The following LGMN variants were observed in gnomAD, a reference collection of about 807,000 sequenced individuals.
LGMN encodes legumain, also known as asparaginyl endopeptidase.
Under a neutral mutation model 56.8 loss-of-function variants are expected in LGMN, and 36 were observed. That is an observed-to-expected ratio of 0.63 (90% confidence interval 0.49 to 0.84). The LOEUF is 0.84. Among genes scored for constraint, LGMN ranks in the 40% least tolerant of loss-of-function variants. The pLI, the probability that LGMN is intolerant of heterozygous loss-of-function variation, is 0.00. For missense variants in LGMN, 446 were observed against 556.1 expected, an observed-to-expected ratio of 0.80 and a Z score of 1.99; for synonymous variants, 199 against 210.1, an observed-to-expected ratio of 0.95 and a Z score of 0.46.
chr14:92,704,268 A>C lies in LGMN; in HGVS notation c.*51T>G, dbSNP rs778586625. The C allele has an allele frequency of 6.2e-7, 1 of 1,613,708 alleles. No homozygotes were observed. The highest frequency in any genetic ancestry group is 8.5e-7 in the Non-Finnish European group (1 of 1,179,682). On this transcript the variant is annotated 3_prime_UTR_variant, in exon 14 of 14. Coordinates refer to ENST00000334869, the MANE Select transcript of LGMN (RefSeq NM_005606.7). ...TCCACCTCTCCAGTCTCTGATCAGC[A>C]CACAGTCGGTGGGGCGCTCACACTT...
At chr14:92,719,168 C>CCAT (rs1890239966) in intron 2 of LGMN, among the ~76,000 whole-genome samples, 1 of 102,482 alleles carries the variant, frequency 9.8e-6, no homozygotes, top group South Asian at 3.4e-4. Context: ...GCCACCACCA[C>CCAT]CACCACCACC....
At position 92,711,716 on chromosome 14, in the gene LGMN, C is replaced by G. The variant is rs1889786436; in HGVS notation, c.762G>C (p.Gln254His). The G allele has an allele frequency of 1.2e-6, 2 of 1,614,106 alleles. No homozygotes were observed. The highest frequency in any genetic ancestry group is 3.3e-5 in the Admixed American group (2 of 60,012). The change falls in exon 10 of 14, where the codon CAG becomes CAC. Residue 254 changes from glutamine (Q) to histidine (H), a missense_variant. Coordinates refer to ENST00000334869, the MANE Select transcript of LGMN (RefSeq NM_005606.7). ...TGGTGTGCGATTTTACCAGGTGGTA[C>G]TGCTTGTGCAGGGTCTCTTTAGTCA... Reference protein sequence around the residue: ...EDLTKETLHKQYHLVKSHTNT... With the variant: ...EDLTKETLHKHYHLVKSHTNT...
At chr14:92,737,653 T>C (rs530173846) in intron 1 of LGMN, among the ~76,000 whole-genome samples, 2 of 152,358 alleles carry the variant, frequency 1.3e-5, no homozygotes, top group East Asian at 3.9e-4. Flanking sequence ...GTGGGATGCC[T>C]GTGTTTCTTC....
chr14:92,724,140 A>G (rs1052499026), intron 2 of LGMN, among the ~76,000 whole-genome samples: 1 of 152,228 alleles, frequency 6.6e-6, no homozygotes, highest in African/African-American at 2.4e-5. Context: ...ATTAAACTCA[A>G]TGTGTGAATT....
At position 92,716,858 on chromosome 14, in the gene LGMN, C is replaced by T. The variant is rs574029053; in HGVS notation, c.318+522G>A. On this transcript the variant is annotated intron_variant, in intron 4 of 13. Coordinates refer to ENST00000334869, the MANE Select transcript of LGMN (RefSeq NM_005606.7). ...GAAAACCAGGTGAATGAAGGCATCA[C>T]GGTCGATTTTAAAAATGTGTCAATT... 4.6e-5 allele frequency among the ~76,000 whole-genome samples: 7 copies of T among 152,146 alleles called. No individual in the cohort carries two copies. In the East Asian group the frequency reaches 5.8e-4, roughly 13 times the overall value.
In LGMN at chr14:92,704,655, G is replaced by A. The variant is rs755035296; in HGVS notation, c.1244C>T (p.Pro415Leu). The change falls in exon 13 of 14, where the codon CCG becomes CTG. Residue 415 changes from proline (P) to leucine (L), a missense_variant. Coordinates refer to ENST00000334869, the MANE Select transcript of LGMN (RefSeq NM_005606.7). ...CATTAGTTACCTGTGAAGCGGATAC[G>A]GCTTCTCACAAAGGTTGACCAGCAC... is the stretch of plus-strand genomic sequence containing the variant. ...LYVLVNLCEK[P>L]YPLHRIKLSM... 40 of 1,612,790 alleles carry A rather than the reference G, an allele frequency of 2.5e-5. No individual in the cohort carries two copies. Among genetic ancestry groups the A allele is most frequent in the East Asian group, 8.9e-5 (4 of 44,870 alleles).
In LGMN at chr14:92,711,609, C is replaced by T. The variant is rs372998602; in HGVS notation, c.819+50G>A. 64 of 1,477,290 alleles carry T rather than the reference C, an allele frequency of 4.3e-5. 1 individual carries two copies. The highest frequency in any genetic ancestry group is 4.5e-5 in the South Asian group (4 of 88,154). 91.5% of individuals were successfully genotyped at this position (1,477,290 alleles called of 1,614,324 possible). On this transcript the variant is annotated intron_variant, in intron 10 of 13. Coordinates refer to ENST00000334869, the MANE Select transcript of LGMN (RefSeq NM_005606.7). ...AAGAGATCAATATTCCAGGCAAGTC[C>T]ACCTAGGACACAAGGAACAGAGGGC...
At chr14:92,721,615 C>T (rs868728890) in intron 2 of LGMN, among the ~76,000 whole-genome samples, 152 of 152,184 alleles carry the variant, frequency 1.0e-3, no homozygotes, top group African/African-American at 3.5e-3. Flanking sequence ...GGTTGAACCA[C>T]ACACCCTCCA....
rs756736531 is a variant in LGMN at position 92,714,463 on chromosome 14, G to A, written c.405-12C>T. 4.4e-5 allele frequency: 69 copies of A among 1,564,896 alleles called. No individual in the cohort carries two copies. The highest frequency in any genetic ancestry group is 5.9e-5 in the Non-Finnish European group (67 of 1,139,978). Reference sequence around the variant, plus strand: ...GATCCTGGGGGCCACTGCCAAGAAGGAATCGGGGGTCAATCATTTCCTTTT... The same window carrying A: ...GATCCTGGGGGCCACTGCCAAGAAGAAATCGGGGGTCAATCATTTCCTTTT... On this transcript the variant is annotated splice_polypyrimidine_tract_variant and intron_variant, in intron 5 of 13. Transcript: ENST00000334869. The surrounding 1 kb of genome is among the most constrained non-coding windows in gnomAD (Gnocchi z 5.1).
rs1295000411 is a variant in LGMN at position 92,714,010 on chromosome 14, G to A, written c.481-125C>T. 1 of 778,912 alleles carries A rather than the reference G, an allele frequency of 1.3e-6. No individual in the cohort carries two copies. Among genetic ancestry groups the A allele is most frequent in the Admixed American group, 1.9e-5 (1 of 52,328 alleles). 48.3% of individuals were successfully genotyped at this position (778,912 alleles called of 1,614,324 possible). A position where few individuals can be genotyped will look rare whatever the true frequency, so the allele number is the denominator to read the frequency against. On this transcript the variant is annotated intron_variant, in intron 6 of 13. Transcript: ENST00000334869. This position sits in a 1 kb window ranked among gnomAD's most constrained non-coding sequence, Gnocchi z 5.1. ...ACCAATCCCTAGAAGTAATCATGGT[G>A]AAGAACATAACCCCAGAATGTCGTC...
At position 92,722,509 on chromosome 14, in the gene LGMN, G is replaced by A. The variant is rs546488651; in HGVS notation, c.139-3665C>T. ...GAGGCAGGAGAAATCACTTGAACCC[G>A]GGAGGCAGAGGTTGCAGTGAGCCGA... On this transcript the variant is annotated intron_variant, in intron 2 of 13. Coordinates refer to ENST00000334869, the MANE Select transcript of LGMN (RefSeq NM_005606.7). Among the ~76,000 whole-genome samples, 543 of 152,116 alleles carry A rather than the reference G, an allele frequency of 3.6e-3. 5 individuals are homozygous for A. The highest frequency in any genetic ancestry group is 0.02 in the Middle Eastern group (6 of 294).
chr14:92,719,200 A>ACC (rs1566923836), intron 2 of LGMN, among the ~76,000 whole-genome samples: 2 of 118,118 alleles, frequency 1.7e-5, no homozygotes, highest in Admixed American at 1.6e-4. Flanking sequence ...CACCGCCACC[A>ACC]ACACCACCAC....
intron 1 of LGMN, among the ~76,000 whole-genome samples, chr14:92,740,745 G>T (rs1891512247): frequency 6.6e-6 from 1 of 152,140 alleles, no homozygotes; most frequent in Non-Finnish European, 1.5e-5. Context: ...GCCTATCAAT[G>T]GAGTATCTGA....
At chr14:92,722,605 CTT>C (rs1197013024) in intron 2 of LGMN, among the ~76,000 whole-genome samples, 1 of 151,882 alleles carries the variant, frequency 6.6e-6, no homozygotes, top group East Asian at 1.9e-4. Context: ...AAAAACAAAA[CTT>C]TGATAAATTG....
In LGMN at chr14:92,706,165, G is replaced by A. The variant is rs115676863; in HGVS notation, c.1191+318C>T. Among the ~76,000 whole-genome samples, 1,010 of 152,280 alleles carry A rather than the reference G, an allele frequency of 6.6e-3. 12 individuals carry two copies. Among genetic ancestry groups the A allele is most frequent in the African/African-American group, 0.023 (954 of 41,542 alleles). ...AGAAGGGAGAAGATGTGTGTGGCTCGTGTGAGGGGTAGAGACGAGGGTGGG... is the reference window on the plus strand; with the variant it reads ...AGAAGGGAGAAGATGTGTGTGGCTCATGTGAGGGGTAGAGACGAGGGTGGG... On this transcript the variant is annotated intron_variant, in intron 12 of 13. Coordinates refer to ENST00000334869, the MANE Select transcript of LGMN (RefSeq NM_005606.7).
intron 2 of LGMN, among the ~76,000 whole-genome samples, chr14:92,719,228 C>A (rs1890265545): frequency 2.9e-5 from 2 of 68,772 alleles, no homozygotes; most frequent in African/African-American, 1.9e-4. Flanking sequence ...AACACCACCA[C>A]CGCCACCGCC....
intron 2 of LGMN, among the ~76,000 whole-genome samples, chr14:92,726,223 T>C (rs1890732861): frequency 6.6e-6 from 1 of 150,628 alleles, no homozygotes; most frequent in Admixed American, 6.6e-5. Context: ...GGCAACAAGA[T>C]TGAGGCTCTG....
intron 10 of LGMN, 108 bp downstream of exon 10, chr14:92,711,550 AG>A: frequency 9.6e-7 from 1 of 1,039,732 alleles, no homozygotes; most frequent in East Asian, 2.4e-5. Flanking sequence ...CCCTGCCTCA[AG>A]CATTCCTCAC....
At chr14:92,710,625 C>T (rs1355191893) in intron 10 of LGMN, among the ~76,000 whole-genome samples, 1 of 152,222 alleles carries the variant, frequency 6.6e-6, no homozygotes, top group African/African-American at 2.4e-5. Context: ...ATACCACACA[C>T]ACCAATCTAT....
Sources: allele counts gnomAD v4.1 joint callset (sites outside exome capture counted in the v4.1 genomes callset), GRCh38; gene constraint gnomAD v4.1.1; non-coding constraint Gnocchi (gnomAD v3.1); transcripts MANE v1.5; gene names NCBI Gene and HGNC (gene_info 2026-07-23, HGNC 2026-07-21).